Variants in CEP128 observed in about 807,000 individuals in gnomAD.
The protein encoded by CEP128 is centrosomal protein 128.
In CEP128, 132 loss-of-function variants were observed where a neutral mutation model predicts 156.7. The observed-to-expected ratio is 0.84, with a 90% CI of 0.73 to 0.97. The LOEUF (loss-of-function observed/expected upper bound fraction) is 0.97. Ranked by LOEUF, CEP128 falls within the 50% of genes least tolerant of loss-of-function variation. CEP128 has a pLI of 0.00. For missense variants in CEP128, 1,252 were observed against 1,281.9 expected (o/e 0.98, Z 0.36); for synonymous variants, 469 against 448.9 (o/e 1.04, Z -0.57).
rs1271219637 is a variant in CEP128 at position 80,739,372 on chromosome 14, C to T, written c.2806+3703G>A. Among the ~76,000 whole-genome samples the T allele has an allele frequency of 3.3e-5, 5 of 152,042 alleles. No individual in the cohort carries two copies. The South Asian group carries it at 6.2e-4, about 19-fold the overall frequency. ...CTAAAAAGATCTTAAAAGAAGAAAT[C>T]CCTAACTCTTTTGCCCTTGTTCTTT... On this transcript the variant is annotated intron_variant, in intron 19 of 24. Coordinates refer to ENST00000555265, the MANE Select transcript of CEP128 (RefSeq NM_152446.5).
intron 21 of CEP128, among the ~76,000 whole-genome samples, chr14:80,540,197 A>ACCG (rs1555372595): frequency 1.6e-5 from 2 of 124,192 alleles, no homozygotes; most frequent in South Asian, 3.1e-4. Flanking sequence ...CTGTTCTTAC[A>ACCG]CCCCCCCCCC....
At chr14:80,878,499 C>G (rs1888385317) in intron 8 of CEP128, among the ~76,000 whole-genome samples, 1 of 152,148 alleles carries the variant, frequency 6.6e-6, no homozygotes, top group South Asian at 2.1e-4. Context: ...CTACCATATC[C>G]CACCATCTTA....
Position 80,841,559 on chromosome 14 carries a change from C to T in CEP128, c.763-791G>A, listed in dbSNP as rs528699231. On this transcript the variant is annotated intron_variant, in intron 9 of 24. Transcript: ENST00000555265. The stretch of plus-strand genomic sequence containing the variant: ...TTTTATAGTGTTTAGTATGTCCAGG[C>T]ATTCTTCTTCTTACATATAATAAAT... 5.3e-5 allele frequency among the ~76,000 whole-genome samples: 8 copies of T among 152,086 alleles called. No individual in the cohort carries two copies. In the South Asian group the frequency reaches 1.7e-3, roughly 32 times the overall value.
intron 12 of CEP128, among the ~76,000 whole-genome samples, chr14:80,833,505 C>T (rs951727357): frequency 2.0e-5 from 3 of 151,738 alleles, no homozygotes; most frequent in African/African-American, 4.8e-5. Flanking sequence ...GCATTACAAA[C>T]GCTCCATTTT....
downstream of CEP128, among the ~76,000 whole-genome samples, chr14:80,496,121 T>C (rs1887485436): frequency 6.6e-6 from 1 of 152,188 alleles, no homozygotes; most frequent in Non-Finnish European, 1.5e-5. Context: ...CCTGTTTTCA[T>C]GTAATTCCTG....
chr14:80,627,950 A>C (rs868130395), intron 19 of CEP128, among the ~76,000 whole-genome samples: 1 of 152,140 alleles, frequency 6.6e-6, no homozygotes, highest in African/African-American at 2.4e-5. Context: ...TAACCCATTC[A>C]TCTCACTCAG....
intron 14 of CEP128, among the ~76,000 whole-genome samples, chr14:80,789,965 G>C (rs1272928870): frequency 6.6e-6 from 1 of 151,804 alleles, no homozygotes; most frequent in East Asian, 1.9e-4. Flanking sequence ...AGCATTTCTT[G>C]AACTGTATGT....
At chr14:80,508,018 G>GA (rs1888062243) in intron 23 of CEP128, among the ~76,000 whole-genome samples, 2 of 152,108 alleles carry the variant, frequency 1.3e-5, no homozygotes, top group Non-Finnish European at 2.9e-5. Flanking sequence ...AGGTTCAAGC[G>GA]ATCCTCCTGC....
intron 19 of CEP128, among the ~76,000 whole-genome samples, chr14:80,671,102 T>C (rs545554589): frequency 6.6e-6 from 1 of 152,254 alleles, no homozygotes; most frequent in African/African-American, 2.4e-5. Flanking sequence ...CTCTAGGATG[T>C]TGTAGATAAG....
chr14:80,494,111 T>C (rs1410844167), downstream of CEP128, among the ~76,000 whole-genome samples: 1 of 152,236 alleles, frequency 6.6e-6, no homozygotes, highest in Non-Finnish European at 1.5e-5. Context: ...TATGTTTCTA[T>C]TGCTAAACAT....
At position 80,955,621 on chromosome 14, in the gene CEP128, G is replaced by A. The variant is rs201252762; in HGVS notation, c.-172+2557C>T. 506 of 1,604,256 alleles carry A rather than the reference G, an allele frequency of 3.2e-4. 1 individual carries two copies. In the East Asian group the frequency reaches 3.4e-3, roughly 11 times the overall value. On this transcript the variant is annotated intron_variant, in intron 2 of 7. Transcript: ENST00000555529. ...CCTTTGGCCTGGGGTAACCCGAGGT[G>A]CAGAGCTGAGAATGAGGCGATTTCG... is the stretch of plus-strand genomic sequence containing the variant.
At chr14:80,589,723 T>A (rs1891968803) in intron 19 of CEP128, among the ~76,000 whole-genome samples, 2 of 152,156 alleles carry the variant, frequency 1.3e-5, no homozygotes, top group South Asian at 4.1e-4. Flanking sequence ...CATGTGCTGA[T>A]ATTAACATTC....
chr14:80,939,187 A>G (rs1284511732), intron 2 of CEP128, among the ~76,000 whole-genome samples, 198 bp downstream of exon 2: 4 of 152,230 alleles, frequency 2.6e-5, no homozygotes, highest in African/African-American at 7.2e-5. Context: ...TAAGGTTATA[A>G]AGGATATCTC....
At chr14:80,956,687 A>C (rs1886711900) in intron 2 of CEP128, among the ~76,000 whole-genome samples, 1 of 152,230 alleles carries the variant, frequency 6.6e-6, no homozygotes, top group South Asian at 2.1e-4. Context: ...TAAGATAAAA[A>C]AAAATGCAGG....
intron 16 of CEP128, among the ~76,000 whole-genome samples, chr14:80,764,213 A>T (rs922933409): frequency 6.6e-6 from 1 of 152,214 alleles, no homozygotes; most frequent in African/African-American, 2.4e-5. Context: ...AAATTTCATT[A>T]TCCGGCCGGG....
intron 16 of CEP128, among the ~76,000 whole-genome samples, chr14:80,773,985 T>C (rs899967671): frequency 6.6e-6 from 1 of 152,214 alleles, no homozygotes; most frequent in Non-Finnish European, 1.5e-5. Context: ...GTGGGTTGCA[T>C]AACACTCGTT....
chr14:80,600,959 TGAA>T, intron 19 of CEP128, among the ~76,000 whole-genome samples: 1 of 151,498 alleles, frequency 6.6e-6, no homozygotes, highest in East Asian at 1.9e-4. Flanking sequence ...ATTTTATACA[TGAA>T]GAAGAAAACT....
At chr14:80,741,991 A>ATTT in intron 19 of CEP128, among the ~76,000 whole-genome samples, 1 of 152,194 alleles carries the variant, frequency 6.6e-6, no homozygotes, top group African/African-American at 2.4e-5. Flanking sequence ...ATGTCCCCAC[A>ATTT]GGGACCTCAG....
intron 19 of CEP128, among the ~76,000 whole-genome samples, chr14:80,604,846 C>G (rs1234934043): frequency 6.6e-6 from 1 of 151,964 alleles, no homozygotes; most frequent in Admixed American, 6.6e-5. Context: ...ACTTCTGTTT[C>G]AAAAGTAGTT....
Sources: allele counts gnomAD v4.1 joint callset (sites outside exome capture counted in the v4.1 genomes callset), GRCh38; gene constraint gnomAD v4.1.1; transcripts MANE v1.5; gene names NCBI Gene and HGNC (gene_info 2026-07-23, HGNC 2026-07-21).